The following NR5A2 variants were observed in gnomAD, a reference collection of about 807,000 sequenced individuals.
NR5A2 encodes CYP7A promoter-binding factor.
Under a neutral mutation model 62.7 loss-of-function variants are expected in NR5A2, and 26 were observed. That is an observed-to-expected ratio of 0.41 (90% confidence interval 0.30 to 0.58). The LOEUF (loss-of-function observed/expected upper bound fraction) is 0.58. Among genes scored for constraint, NR5A2 ranks in the 20% least tolerant of loss-of-function variants. The pLI is 0.22. For missense variants in NR5A2, 541 were observed against 669.1 expected (o/e 0.81, Z 2.11); for synonymous variants, 246 against 241.7 (o/e 1.02, Z -0.16).
At chr1:200,074,607 G>A (rs1663922235) in intron 5 of NR5A2, among the ~76,000 whole-genome samples, 1 of 150,906 alleles carries the variant, frequency 6.6e-6, no homozygotes, top group African/African-American at 2.4e-5. Flanking sequence ...TTTGGTGGCG[G>A]GTGCCTGTAG....
At position 200,060,170 on chromosome 1, in the gene NR5A2, TTTTTC is replaced by T. The variant is rs1663133083; in HGVS notation, c.1110+11360_1110+11364del. Reference sequence around the variant, plus strand: ...CCACTTTTCTTCTGTCCCAATTCGCTTTTTCTTTTCTTACTTCATTAACTCTTTTT... The same window carrying T: ...CCACTTTTCTTCTGTCCCAATTCGCTTTTTCTTACTTCATTAACTCTTTTT... On this transcript the variant is annotated intron_variant, in intron 5 of 7. Transcript: ENST00000367362. Among the ~76,000 whole-genome samples, 4 of 152,168 alleles carry T rather than the reference TTTTTC, an allele frequency of 2.6e-5. No individual in the cohort carries two copies. The South Asian group carries it at 8.3e-4, about 32-fold the overall frequency.
At chr1:200,171,466 A>G (rs1654176143) in intron 7 of NR5A2, among the ~76,000 whole-genome samples, 2 of 152,160 alleles carry the variant, frequency 1.3e-5, no homozygotes, top group Non-Finnish European at 2.9e-5. Context: ...TTAACCATCG[A>G]GGCTGGACGC....
intron 7 of NR5A2, among the ~76,000 whole-genome samples, chr1:200,148,475 G>T (rs2102359147): frequency 6.6e-6 from 1 of 152,280 alleles, no homozygotes; most frequent in Non-Finnish European, 1.5e-5. Flanking sequence ...GGGGTCACCT[G>T]CCAGCAACTC....
chr1:200,040,656 G>T (rs1662021893), intron 2 of NR5A2, among the ~76,000 whole-genome samples: 1 of 152,188 alleles, frequency 6.6e-6, no homozygotes, highest in Non-Finnish European at 1.5e-5. Flanking sequence ...TTCCATCCTC[G>T]CCCCTTCCAG....
chr1:200,127,689 A>ATATATATATATAT (rs1666768016), intron 7 of NR5A2, among the ~76,000 whole-genome samples: 1 of 61,398 alleles, frequency 1.6e-5, no homozygotes, highest in Non-Finnish European at 3.4e-5. Flanking sequence ...AAAAAAAAAA[A>ATATATATATATAT]AAAAAAAAAA....
chr1:200,052,567 T>G (rs1662687256), intron 5 of NR5A2, among the ~76,000 whole-genome samples: 1 of 152,208 alleles, frequency 6.6e-6, no homozygotes, highest in South Asian at 2.1e-4. Context: ...GACAGATTTT[T>G]TATACCTCTA....
chr1:200,128,316 C>T (rs1666817870), intron 7 of NR5A2, among the ~76,000 whole-genome samples: 1 of 152,170 alleles, frequency 6.6e-6, no homozygotes, highest in African/African-American at 2.4e-5. Flanking sequence ...GTGCAAGGGT[C>T]AACTGGATAT....
Position 200,156,813 on chromosome 1 carries a change from A to G in NR5A2, c.1379-17150A>G, listed in dbSNP as rs150547700. Reference sequence around the variant, plus strand: ...TGTCCAACTGTGGGCTAATGTAAGTATTCTGAGCACATTTAAGGCAGGCTA... The same window carrying G: ...TGTCCAACTGTGGGCTAATGTAAGTGTTCTGAGCACATTTAAGGCAGGCTA... On this transcript the variant is annotated intron_variant, in intron 7 of 7. Coordinates refer to ENST00000367362, the MANE Select transcript of NR5A2 (RefSeq NM_205860.3). Among the ~76,000 whole-genome samples, 407 of 152,356 alleles carry G rather than the reference A, an allele frequency of 2.7e-3. 1 individual carries two copies. Among genetic ancestry groups the G allele is most frequent in the Non-Finnish European group, 4.4e-3 (296 of 68,040 alleles).
chr1:200,129,146 G>A (rs1343456363), intron 7 of NR5A2, among the ~76,000 whole-genome samples: 1 of 152,054 alleles, frequency 6.6e-6, no homozygotes, highest in Non-Finnish European at 1.5e-5. Context: ...CATACCCCAG[G>A]CCCAGTCAGG....
chr1:200,141,423 ATAAGTG>A (rs1425866566), intron 7 of NR5A2, among the ~76,000 whole-genome samples: 1 of 152,228 alleles, frequency 6.6e-6, no homozygotes, highest in African/African-American at 2.4e-5. Flanking sequence ...AGATTCATCC[ATAAGTG>A]TATCAATAGT....
intron 5 of NR5A2, among the ~76,000 whole-genome samples, chr1:200,060,768 G>A (rs1173226608): frequency 1.3e-5 from 2 of 151,842 alleles, no homozygotes; most frequent in Admixed American, 6.6e-5. Flanking sequence ...AATTCTTCAC[G>A]TATGTGTCCT....
At chr1:200,044,414 TCA>T (rs1558100833) in intron 3 of NR5A2, 1 of 152,014 alleles carries the variant, frequency 6.6e-6, no homozygotes, top group Non-Finnish European at 1.5e-5. Flanking sequence ...GACCAAGAAA[TCA>T]GATTTTAGTT....
intron 1 of NR5A2, among the ~76,000 whole-genome samples, chr1:200,034,214 C>T (rs1571690150): frequency 6.6e-6 from 1 of 152,148 alleles, no homozygotes; most frequent in East Asian, 1.9e-4. Context: ...CTACTAGCGC[C>T]GGGATCGTCG....
chr1:200,091,764 T>A (rs1383844079), intron 5 of NR5A2, among the ~76,000 whole-genome samples: 1 of 152,202 alleles, frequency 6.6e-6, no homozygotes, highest in Non-Finnish European at 1.5e-5. Context: ...ATTACAGGCG[T>A]GAGCCACTGC....
chr1:200,071,564 A>AATT (rs1663739077), intron 5 of NR5A2, among the ~76,000 whole-genome samples: 1 of 152,246 alleles, frequency 6.6e-6, no homozygotes, highest in South Asian at 2.1e-4. Context: ...ATGTTTACAT[A>AATT]ATTGCTCCCA....
chr1:200,158,801 T>G (rs1653499702), intron 7 of NR5A2, among the ~76,000 whole-genome samples: 1 of 152,178 alleles, frequency 6.6e-6, no homozygotes, highest in Admixed American at 6.6e-5. Flanking sequence ...CTGTAGAACA[T>G]CATGGTGCTG....
intron 1 of NR5A2, among the ~76,000 whole-genome samples, chr1:200,030,488 C>T (rs1241614863): frequency 6.6e-6 from 1 of 152,084 alleles, no homozygotes; most frequent in African/African-American, 2.4e-5. Context: ...TAGATTGTTC[C>T]CTTAAAGTTA....
intron 5 of NR5A2, among the ~76,000 whole-genome samples, chr1:200,052,266 C>A (rs561343414): frequency 6.6e-6 from 1 of 152,282 alleles, no homozygotes; most frequent in South Asian, 2.1e-4. Flanking sequence ...AAACCCACAG[C>A]CTGAGTCCCC....
At chr1:200,087,421 G>A (rs949659517) in intron 5 of NR5A2, among the ~76,000 whole-genome samples, 1 of 151,798 alleles carries the variant, frequency 6.6e-6, no homozygotes, top group East Asian at 1.9e-4. Context: ...TTGAGACGGA[G>A]TCTCACTCTG....
Sources: allele counts gnomAD v4.1 joint callset (sites outside exome capture counted in the v4.1 genomes callset), GRCh38; gene constraint gnomAD v4.1.1; transcripts MANE v1.5; gene names NCBI Gene and HGNC (gene_info 2026-07-23, HGNC 2026-07-21).